Variants in CGNL1 observed in about 807,000 individuals in gnomAD.
CGNL1 encodes the protein cingulin-like protein 1.
In CGNL1, 132 loss-of-function variants were observed where a neutral mutation model predicts 141.2. The observed-to-expected ratio is 0.93, with a 90% confidence interval of 0.81 to 1.08. The LOEUF (loss-of-function observed/expected upper bound fraction) is 1.08, where lower values mean the gene tolerates loss of function less well. CGNL1 is among the 50% of genes least tolerant of loss of function. CGNL1 has a pLI of 0.00. For missense variants in CGNL1, 1,870 were observed against 1,588.6 expected (o/e 1.18, Z -3.01); for synonymous variants, 690 against 622.1 (o/e 1.11, Z -1.63).
chr15:57,511,642 T>A (rs981223439), intron 8 of CGNL1, among the ~76,000 whole-genome samples: 1 of 152,238 alleles, frequency 6.6e-6, no homozygotes, highest in Admixed American at 6.5e-5. Flanking sequence ...AACCTTTTGA[T>A]GTGGCTGCCT....
At chr15:57,536,181 A>G (rs746537462) in intron 14 of CGNL1, among the ~76,000 whole-genome samples, 1 of 152,106 alleles carries the variant, frequency 6.6e-6, no homozygotes, top group Non-Finnish European at 1.5e-5. Context: ...ATTAGATCTC[A>G]TGAGACTTAT....
chr15:57,458,548 T>C (rs1460312253), intron 7 of CGNL1, among the ~76,000 whole-genome samples: 3 of 152,132 alleles, frequency 2.0e-5, no homozygotes, highest in African/African-American at 7.2e-5. Context: ...CATAGAGATA[T>C]GCTGGAAAAC....
At chr15:57,386,081 C>T (rs1416329598) in intron 1 of CGNL1, among the ~76,000 whole-genome samples, 2 of 152,246 alleles carry the variant, frequency 1.3e-5, no homozygotes, top group African/African-American at 2.4e-5. Context: ...CCCACAGGTG[C>T]CCCTGAGGTG....
chr15:57,454,816 C>T (rs2063359400), intron 7 of CGNL1, among the ~76,000 whole-genome samples: 1 of 152,072 alleles, frequency 6.6e-6, no homozygotes, highest in Non-Finnish European at 1.5e-5. Context: ...GTGCTGTTTT[C>T]TCTCAGGGCT....
chr15:57,528,681 G>A lies in CGNL1; in HGVS notation c.3067G>A (p.Asp1023Asn). 1 of 1,614,112 alleles carries A rather than the reference G, an allele frequency of 6.2e-7. No homozygotes were observed. The highest frequency in any genetic ancestry group is 8.5e-7 in the Non-Finnish European group (1 of 1,180,014). ...GCGTCTGATGGAGGAAGAGTTACGGGACTACCAGAGAGCTCAGGATGAAGC... is the reference window on the plus strand; with the variant it reads ...GCGTCTGATGGAGGAAGAGTTACGGAACTACCAGAGAGCTCAGGATGAAGC... ...EMRLMEEELR[D>N]YQRAQDEALT... Residue 1023 changes from aspartate (D) to asparagine (N), a missense_variant, in exon 13 of 19, where the codon GAC becomes AAC. Physicochemically the swap from Asp to Asn is conservative, Grantham distance 23. Transcript: ENST00000281282.
intron 1 of CGNL1, among the ~76,000 whole-genome samples, chr15:57,433,476 G>A (rs1417212544): frequency 1.1e-4 from 17 of 152,208 alleles, no homozygotes; most frequent in African/African-American, 3.9e-4. Flanking sequence ...GGTGATCCCC[G>A]GGCTGGCTGA....
intron 8 of CGNL1, among the ~76,000 whole-genome samples, chr15:57,482,537 G>T (rs1431169906): frequency 6.6e-6 from 1 of 152,150 alleles, no homozygotes; most frequent in Non-Finnish European, 1.5e-5. Flanking sequence ...GCCATTTGTT[G>T]AGAGGGTTAT....
intron 8 of CGNL1, among the ~76,000 whole-genome samples, chr15:57,495,251 T>C (rs2152382567): frequency 6.6e-6 from 1 of 152,258 alleles, no homozygotes; most frequent in Non-Finnish European, 1.5e-5. Flanking sequence ...ATCAGTATCC[T>C]TTTTGCTTTC....
chr15:57,377,841 AAGG>A (rs2062382161), intron 1 of CGNL1, among the ~76,000 whole-genome samples: 2 of 152,210 alleles, frequency 1.3e-5, no homozygotes, highest in South Asian at 4.1e-4. Context: ...TTCAGATTAA[AAGG>A]AGAAAAAATA....
intron 1 of CGNL1, among the ~76,000 whole-genome samples, chr15:57,386,867 G>C (rs990732767): frequency 2.0e-5 from 3 of 152,160 alleles, no homozygotes; most frequent in African/African-American, 7.2e-5. Context: ...TGAAGAGCTT[G>C]CTCCTGATTT....
In CGNL1 at chr15:57,442,435, C is replaced by A. The variant is rs767063658; in HGVS notation, c.1760C>A (p.Thr587Asn). 5.0e-6 allele frequency: 8 copies of A among 1,613,602 alleles called. No individual in the cohort carries two copies. In the East Asian group the frequency reaches 1.6e-4, roughly 31 times the overall value. The change falls in exon 4 of 19, where the codon ACC (threonine) becomes AAC (asparagine). Residue 587 changes from threonine to asparagine, a missense_variant. Physicochemically the swap from Thr to Asn is moderately conservative, Grantham distance 65 (BLOSUM62 0). Transcript: ENST00000281282. The part of the protein sequence containing the change: ...KVNLVFEKIQ[T>N]LKSRAAGSAQ... ...AACTTGGTCTTTGAGAAAATCCAGACCTTAAAGTCTCGAGCAGCTGGGAGC... is the reference window on the plus strand; with the variant it reads ...AACTTGGTCTTTGAGAAAATCCAGAACTTAAAGTCTCGAGCAGCTGGGAGC...
intron 8 of CGNL1, among the ~76,000 whole-genome samples, chr15:57,485,210 AGTGCTTGGGTGTTTGCCT>A (rs1179875520): frequency 6.6e-6 from 1 of 151,986 alleles, no homozygotes; most frequent in Non-Finnish European, 1.5e-5. Context: ...TTAATTTCTA[AGTGCTTGGGTGTTTGCCT>A]GTTGTCTAGT....
chr15:57,528,872 G>A (rs746112957), intron 13 of CGNL1, 57 bp downstream of exon 13: 54 of 1,553,734 alleles, frequency 3.5e-5, no homozygotes, highest in African/African-American at 5.5e-5. Context: ...GCTGGGCCAC[G>A]AGAGAAGCAG....
At position 57,524,582 on chromosome 15, in the gene CGNL1, T is replaced by C. The variant is rs2031487757; in HGVS notation, c.2870T>C (p.Met957Thr). ...TCACACCCGTGTCACTTCTTCTAGA[T>C]GGCAGACATTGTTGAGGCCTCCCGT... Reference protein sequence around the residue: ...GKTIEKLQKEMADIVEASRTS... With the variant: ...GKTIEKLQKETADIVEASRTS... Residue 957 changes from methionine to threonine, a missense_variant and splice_region_variant, in exon 12 of 19, where the codon ATG becomes ACG. Transcript: ENST00000281282. 2 of 1,612,064 alleles carry C rather than the reference T, an allele frequency of 1.2e-6. No homozygotes were observed. The highest frequency in any genetic ancestry group is 1.3e-5 in the African/African-American group (1 of 74,910).
At chr15:57,466,567 G>A (rs897560489) in intron 8 of CGNL1, among the ~76,000 whole-genome samples, 1 of 152,068 alleles carries the variant, frequency 6.6e-6, no homozygotes, top group African/African-American at 2.4e-5. Flanking sequence ...ATTTTGCTCC[G>A]GGTTTTATCT....
At chr15:57,531,115 A>T (rs541811595) in intron 13 of CGNL1, among the ~76,000 whole-genome samples, 1 of 152,354 alleles carries the variant, frequency 6.6e-6, no homozygotes, top group Non-Finnish European at 1.5e-5. Context: ...CCAACAAAGA[A>T]ACCACCAATT....
chr15:57,528,270 A>C (rs747618763), intron 12 of CGNL1, among the ~76,000 whole-genome samples: 3 of 138,548 alleles, frequency 2.2e-5, no homozygotes, highest in East Asian at 1.9e-4. Flanking sequence ...AAAAAAAGAC[A>C]AAAAAAAACT....
chr15:57,540,563 C>A (rs1178864045), intron 14 of CGNL1, among the ~76,000 whole-genome samples: 1 of 152,166 alleles, frequency 6.6e-6, no homozygotes, highest in South Asian at 2.1e-4. Flanking sequence ...CTCAGGCAAA[C>A]CATATTACCC....
intron 8 of CGNL1, among the ~76,000 whole-genome samples, chr15:57,506,499 G>T (rs2064104950): frequency 6.6e-6 from 1 of 152,196 alleles, no homozygotes; most frequent in Non-Finnish European, 1.5e-5. Context: ...ACAATGGAAG[G>T]CCTAAGGCTG....
Sources: gnomAD v4.1 joint callset for allele counts (sites outside exome capture counted in the v4.1 genomes callset) on GRCh38, gnomAD v4.1.1 for gene constraint, MANE v1.5 for transcripts, NCBI Gene and HGNC (gene_info 2026-07-23, HGNC 2026-07-21) for gene names.